Variants in GRIK2 observed in about 807,000 individuals in gnomAD.
The protein encoded by GRIK2 is glutamate ionotropic receptor kainate type subunit 2.
GRIK2 carries 32 observed loss-of-function variants against 100.3 expected under a neutral mutation model. The observed-to-expected ratio is 0.32, with a 90% CI of 0.24 to 0.43. GRIK2 has a LOEUF of 0.43. Ranked by LOEUF, GRIK2 falls within the 20% of genes least tolerant of loss-of-function variation. GRIK2 has a pLI of 1.00. For synonymous variants in GRIK2, 417 were observed against 389.4 expected (o/e 1.07, Z -0.83); for missense variants, 843 against 1,114.9 (o/e 0.76, Z 3.47).
intron 14 of GRIK2, among the ~76,000 whole-genome samples, chr6:102,007,052 G>A (rs527244106): frequency 1.3e-5 from 2 of 152,052 alleles, no homozygotes; most frequent in African/African-American, 2.4e-5. Context: ...GCTAGATTGG[G>A]TGTTGTGCAT....
chr6:101,778,763 C>G (rs1428647568), intron 7 of GRIK2, among the ~76,000 whole-genome samples: 1 of 151,994 alleles, frequency 6.6e-6, no homozygotes, highest in Non-Finnish European at 1.5e-5. Context: ...TGTCTTCATA[C>G]TTTTTTCAAA....
chr6:101,836,659 A>ATTTTTTTTTTTTTTTTTTT (rs1239661989), intron 10 of GRIK2, among the ~76,000 whole-genome samples: 1 of 60,214 alleles, frequency 1.7e-5, no homozygotes, highest in Non-Finnish European at 3.2e-5. Flanking sequence ...ATATATATAT[A>ATTTTTTTTTTTTTTTTTTT]TATTTTTTTT....
intron 2 of GRIK2, among the ~76,000 whole-genome samples, chr6:101,608,688 A>G (rs1296034647): frequency 1.3e-5 from 2 of 151,878 alleles, no homozygotes; most frequent in East Asian, 3.9e-4. Context: ...TTTAGAACAA[A>G]TGCTTTAAAA....
chr6:101,943,569 G>A (rs1182207764), intron 14 of GRIK2, among the ~76,000 whole-genome samples: 1 of 152,212 alleles, frequency 6.6e-6, no homozygotes, highest in Non-Finnish European at 1.5e-5. Flanking sequence ...GGCCTTGGGA[G>A]CCCACCTCTT....
intron 2 of GRIK2, among the ~76,000 whole-genome samples, chr6:101,452,174 C>T (rs912281679): frequency 1.5e-4 from 23 of 151,820 alleles, no homozygotes; most frequent in African/African-American, 2.2e-4. Context: ...GAGAAGCATA[C>T]GGATCTCCAT....
chr6:101,484,296 CCTG>C (rs1352700941), intron 2 of GRIK2, among the ~76,000 whole-genome samples: 6 of 152,034 alleles, frequency 3.9e-5, no homozygotes, highest in Non-Finnish European at 7.4e-5. Context: ...GGAAAACTAT[CCTG>C]CTATTTGTGG....
At chr6:101,778,899 A>G (rs1301024245) in intron 7 of GRIK2, among the ~76,000 whole-genome samples, 2 of 152,166 alleles carry the variant, frequency 1.3e-5, no homozygotes, top group East Asian at 1.9e-4. Flanking sequence ...GGACATTGGT[A>G]GCTTGGTAAT....
chr6:101,735,077 A>C (rs1775543944), intron 7 of GRIK2, among the ~76,000 whole-genome samples: 1 of 152,144 alleles, frequency 6.6e-6, no homozygotes. Context: ...CAAATGAAGA[A>C]AGAAGGAAGT....
intron 2 of GRIK2, among the ~76,000 whole-genome samples, chr6:101,529,698 A>G (rs150510201): frequency 2.2e-3 from 334 of 152,224 alleles, no homozygotes; most frequent in Middle Eastern, 6.8e-3. Context: ...CTTATATTCT[A>G]TTAGGGAAAG....
At chr6:101,719,062 T>C (rs1301794742) in intron 7 of GRIK2, among the ~76,000 whole-genome samples, 5 of 151,022 alleles carry the variant, frequency 3.3e-5, no homozygotes, top group African/African-American at 1.2e-4. Flanking sequence ...CAAAGAACAA[T>C]ATATATGATG....
chr6:101,882,186 T>C (rs1247530295), intron 11 of GRIK2, among the ~76,000 whole-genome samples: 1 of 152,056 alleles, frequency 6.6e-6, no homozygotes, highest in Non-Finnish European at 1.5e-5. Flanking sequence ...ACCTGTATAT[T>C]AAGGGAGCTA....
intron 2 of GRIK2, among the ~76,000 whole-genome samples, chr6:101,542,731 C>T (rs921111236): frequency 2.6e-5 from 4 of 151,906 alleles, no homozygotes; most frequent in Non-Finnish European, 4.4e-5. Flanking sequence ...TAACTATGAG[C>T]GTGTAAGTGA....
At chr6:101,998,710 A>G (rs776788247) in intron 14 of GRIK2, among the ~76,000 whole-genome samples, 1 of 152,004 alleles carries the variant, frequency 6.6e-6, no homozygotes, top group Non-Finnish European at 1.5e-5. Flanking sequence ...ATGTTACATG[A>G]CAGTATTTAT....
intron 14 of GRIK2, among the ~76,000 whole-genome samples, chr6:101,974,964 A>G (rs1228620075): frequency 6.6e-6 from 1 of 152,008 alleles, no homozygotes; most frequent in Non-Finnish European, 1.5e-5. Context: ...AGGGTAAATT[A>G]TAGGGTAAGG....
At chr6:101,657,894 A>G (rs971613155) in intron 4 of GRIK2, among the ~76,000 whole-genome samples, 2 of 152,092 alleles carry the variant, frequency 1.3e-5, no homozygotes. Context: ...GAGGGGGAGT[A>G]TAGAGAGAAT....
intron 4 of GRIK2, among the ~76,000 whole-genome samples, chr6:101,669,622 G>T (rs544200116): frequency 6.6e-5 from 10 of 152,192 alleles, no homozygotes; most frequent in Admixed American, 6.5e-4. Flanking sequence ...TAGACCCACA[G>T]AAATAAATAT....
chr6:101,423,165 A>C (rs9885636), intron 2 of GRIK2, among the ~76,000 whole-genome samples: 3,989 of 152,260 alleles, frequency 0.026, 191 homozygotes, highest in African/African-American at 0.092. Flanking sequence ...AAACCCTTGG[A>C]TAAATTGAAC....
chr6:101,642,628 T>C (rs1420380244), intron 4 of GRIK2, among the ~76,000 whole-genome samples: 1 of 151,800 alleles, frequency 6.6e-6, no homozygotes, highest in African/African-American at 2.4e-5. Context: ...TCACATATTA[T>C]TCATTCATTC....
chr6:101,461,778 A>T (rs781057073), intron 2 of GRIK2, among the ~76,000 whole-genome samples: 12 of 152,214 alleles, frequency 7.9e-5, no homozygotes, highest in Non-Finnish European at 1.6e-4. Context: ...ACCAGCACTC[A>T]TTAGGGATTT....
Sources: allele counts gnomAD v4.1 joint callset (sites outside exome capture counted in the v4.1 genomes callset), GRCh38; gene constraint gnomAD v4.1.1; transcripts MANE v1.5; gene names NCBI Gene and HGNC (gene_info 2026-07-23, HGNC 2026-07-21).